Variants in GALNT6 observed in about 807,000 individuals in gnomAD.
The protein encoded by GALNT6 is polypeptide N-acetylgalactosaminyltransferase 6.
In GALNT6, 51 loss-of-function variants were observed where a neutral mutation model predicts 65.9. The observed-to-expected ratio is 0.77, with a 90% CI of 0.62 to 0.98. The LOEUF (loss-of-function observed/expected upper bound fraction) is 0.98, where lower values mean the gene tolerates loss of function less well. Ranked by LOEUF, GALNT6 falls within the 50% of genes least tolerant of loss-of-function variation. The pLI, the probability that GALNT6 is intolerant of heterozygous loss-of-function variation, is 0.00. For missense variants in GALNT6, 708 were observed against 803.3 expected, an observed-to-expected ratio of 0.88 and a Z score of 1.43; for synonymous variants, 323 against 315.1, an observed-to-expected ratio of 1.02 and a Z score of -0.26.
In GALNT6 at chr12:51,379,474, C is replaced by A. The variant is rs748091969; in HGVS notation, c.308G>T (p.Trp103Leu). Residue 103 changes from tryptophan (W) to leucine (L), a missense_variant, in exon 3 of 12, where the codon TGG becomes TTG. Coordinates refer to ENST00000356317, the MANE Select transcript of GALNT6 (RefSeq NM_007210.4). The stretch of plus-strand genomic sequence containing the variant: ...ATTGGGGTCCTGTGGTGGCCGTTCC[C>A]AGAAGGGCTTCAGTTCAGCTGGGGT... ...FYTPAELKPFWERPPQDPNAP... is the reference protein window; with the variant it reads ...FYTPAELKPFLERPPQDPNAP... 2 of 1,614,030 alleles carry A rather than the reference C, an allele frequency of 1.2e-6. No individual in the cohort carries two copies. The highest frequency in any genetic ancestry group is 1.7e-6 in the Non-Finnish European group (2 of 1,180,008).
At chr12:51,366,453 C>T (rs1309189616) in intron 4 of GALNT6, among the ~76,000 whole-genome samples, 1 of 152,206 alleles carries the variant, frequency 6.6e-6, no homozygotes, top group Non-Finnish European at 1.5e-5. Context: ...CCCTTTGTAA[C>T]CTCCTCTGCA....
At chr12:51,375,759 T>C (rs1254982773) in intron 4 of GALNT6, among the ~76,000 whole-genome samples, 3 of 152,018 alleles carry the variant, frequency 2.0e-5, no homozygotes, top group Admixed American at 1.3e-4. Flanking sequence ...GGTTTCACCA[T>C]ATTGGCCGGG....
chr12:51,388,813 T>G (rs1338259735), intron 2 of GALNT6, among the ~76,000 whole-genome samples: 1 of 152,240 alleles, frequency 6.6e-6, no homozygotes, highest in African/African-American at 2.4e-5. Context: ...TTGAGATGTA[T>G]GGCAATGCTA....
chr12:51,380,496 T>G lies in GALNT6; in HGVS notation c.-103-612A>C, dbSNP rs890721599. On this transcript the variant is annotated intron_variant, in intron 2 of 11. Transcript: ENST00000356317. ...TGACAAAAGGATACATACAGTATGATTCCACTTATAGAAAATGTAAAAACA... is the reference window on the plus strand; with the variant it reads ...TGACAAAAGGATACATACAGTATGAGTCCACTTATAGAAAATGTAAAAACA... Among the ~76,000 whole-genome samples, 4 of 152,364 alleles carry G rather than the reference T, an allele frequency of 2.6e-5. No individual in the cohort carries two copies. In the South Asian group the frequency reaches 8.3e-4, roughly 32 times the overall value.
intron 10 of GALNT6, 152 bp downstream of exon 10, chr12:51,357,197 T>G (rs1173440920): frequency 3.6e-6 from 2 of 560,724 alleles, no homozygotes; most frequent in Non-Finnish European, 6.6e-6. Flanking sequence ...TATTCAGACC[T>G]TGTGTGTGTT....
At position 51,385,817 on chromosome 12, in the gene GALNT6, T is replaced by C. The variant is rs145685112; in HGVS notation, c.-104+5033A>G. Among the ~76,000 whole-genome samples, 109 of 152,256 alleles carry C rather than the reference T, an allele frequency of 7.2e-4. 1 individual carries two copies. The highest frequency in any genetic ancestry group is 2.5e-3 in the African/African-American group (105 of 41,538). ...CAAAGTCTAGCACAAGTTTTACATA[T>C]AGCAGGTGTTCCATAAACTTTTTTT... On this transcript the variant is annotated intron_variant, in intron 2 of 11. Transcript: ENST00000356317.
In GALNT6 at chr12:51,360,857, A is replaced by G. The variant is rs1257493803; in HGVS notation, c.1050-19T>C. On this transcript the variant is annotated intron_variant, in intron 6 of 11. Transcript: ENST00000356317. ...CGGGGATCTGGAGAGACAGAGGGAG[A>G]AGTGTGTGCATCTTCTGGGAGAGGA... 2 of 1,517,120 alleles carry G rather than the reference A, an allele frequency of 1.3e-6. No individual in the cohort carries two copies. Among genetic ancestry groups the G allele is most frequent in the South Asian group, 2.3e-5 (2 of 88,854 alleles). 94.0% of individuals were successfully genotyped at this position (1,517,120 alleles called of 1,614,324 possible).
At chr12:51,376,717 T>A (rs555282473) in intron 4 of GALNT6, among the ~76,000 whole-genome samples, 4 of 150,114 alleles carry the variant, frequency 2.7e-5, no homozygotes, top group African/African-American at 7.3e-5. Flanking sequence ...TGTCATGGCA[T>A]CCCCTCTGCC....
intron 4 of GALNT6, 60 bp from the exon 5 acceptor site, chr12:51,365,639 T>G: frequency 6.4e-7 from 1 of 1,552,992 alleles, no homozygotes; most frequent in Non-Finnish European, 8.8e-7. Context: ...CAATCCCCTG[T>G]GGGCACCAAG....
chr12:51,389,330 A>G lies in GALNT6; in HGVS notation c.-104+1520T>C, dbSNP rs543570364. On this transcript the variant is annotated intron_variant, in intron 2 of 11. Coordinates refer to ENST00000356317, the MANE Select transcript of GALNT6 (RefSeq NM_007210.4). ...ACCATTTTAAATATTACTGCTTACCATATCAAATCAAGTTACAGTTATCTT... is the reference window on the plus strand; with the variant it reads ...ACCATTTTAAATATTACTGCTTACCGTATCAAATCAAGTTACAGTTATCTT... Among the ~76,000 whole-genome samples, 293 of 152,362 alleles carry G rather than the reference A, an allele frequency of 1.9e-3. 2 individuals carry two copies. The highest frequency in any genetic ancestry group is 6.8e-3 in the African/African-American group (281 of 41,576).
At chr12:51,370,174 C>A (rs1565722959) in intron 4 of GALNT6, among the ~76,000 whole-genome samples, 1 of 152,246 alleles carries the variant, frequency 6.6e-6, no homozygotes, top group Non-Finnish European at 1.5e-5. Flanking sequence ...GCAGAAACAG[C>A]CTCAGTGTCC....
intron 5 of GALNT6, among the ~76,000 whole-genome samples, chr12:51,365,081 C>T (rs920222812): frequency 1.3e-5 from 2 of 152,094 alleles, no homozygotes; most frequent in African/African-American, 4.8e-5. Context: ...AGAAGAAAGC[C>T]CCAAACAAGC....
intron 9 of GALNT6, among the ~76,000 whole-genome samples, chr12:51,357,921 G>A (rs1403539249): frequency 2.0e-5 from 3 of 152,196 alleles, no homozygotes; most frequent in Admixed American, 6.5e-5. Flanking sequence ...AATGTTTCAG[G>A]ACCACTGCTT....
In GALNT6 at chr12:51,359,252, GGT is replaced by G. The variant is rs756593530; in HGVS notation, c.1246_1247del (p.Thr416LeufsTer6). ...CAATGACACTAGTGCCCTTGGGGAA[GGT>G]GTGGGGGCTCTTGGTCCGGAACACA... is the stretch of plus-strand genomic sequence containing the variant. ...GHVFRTKSPHTFPKGTSVIAR... is the reference protein window; with the variant it reads ...GHVFRTKSPHXFPKGTSVIAR... On this transcript the variant is annotated frameshift_variant, in exon 8 of 12. Transcript: ENST00000356317. LOFTEE classifies it high-confidence loss of function. 6 of 1,614,050 alleles carry G rather than the reference GGT, an allele frequency of 3.7e-6. No individual in the cohort carries two copies. In the South Asian group the frequency reaches 6.6e-5, roughly 18 times the overall value.
At chr12:51,364,953 C>A (rs1364673289) in intron 5 of GALNT6, among the ~76,000 whole-genome samples, 1 of 152,164 alleles carries the variant, frequency 6.6e-6, no homozygotes, top group Admixed American at 6.5e-5. Context: ...GACTCCAAGA[C>A]TAGAGCTTCC....
Position 51,359,583 on chromosome 12 carries a change from G to T in GALNT6, c.1168-251C>A, listed in dbSNP as rs956521397. 41 of 366,670 alleles carry T rather than the reference G, an allele frequency of 1.1e-4. 1 individual carries two copies. The highest frequency in any genetic ancestry group is 4.9e-6 in the Non-Finnish European group (1 of 205,750). The allele number at this position is 366,670 out of a possible 1,614,324, so 22.7% of individuals were successfully genotyped here. The stretch of plus-strand genomic sequence containing the variant: ...AGACTGCAGGGTCCTGTGTTTACCA[G>T]GGCCCACTTTAGGGAAAAGCCTGCT... On this transcript the variant is annotated intron_variant, in intron 7 of 11. Coordinates refer to ENST00000356317, the MANE Select transcript of GALNT6 (RefSeq NM_007210.4).
At chr12:51,364,049 G>T in intron 6 of GALNT6, 72 bp downstream of exon 6, 1 of 990,148 alleles carries the variant, frequency 1.0e-6, no homozygotes, top group Non-Finnish European at 1.6e-6. Context: ...ATGTTGATGT[G>T]AGATGGCACA....
intron 4 of GALNT6, among the ~76,000 whole-genome samples, chr12:51,367,986 C>T (rs1053048461): frequency 6.6e-6 from 1 of 151,980 alleles, no homozygotes; most frequent in African/African-American, 2.4e-5. Flanking sequence ...GACTCCCCAC[C>T]TTCTCCCTCC....
intron 2 of GALNT6, among the ~76,000 whole-genome samples, chr12:51,390,231 C>T (rs1948010958): frequency 7.1e-6 from 1 of 141,270 alleles, no homozygotes; most frequent in African/African-American, 2.7e-5. Flanking sequence ...GGTGCGATCT[C>T]AGCTCACTGC....
Sources: allele counts gnomAD v4.1 joint callset (sites outside exome capture counted in the v4.1 genomes callset), GRCh38; gene constraint gnomAD v4.1.1; transcripts MANE v1.5; gene names NCBI Gene and HGNC (gene_info 2026-07-23, HGNC 2026-07-21).